Variants in SRGAP2C observed in about 807,000 individuals in gnomAD.
SRGAP2C encodes SLIT-ROBO Rho GTPase-activating protein 2C.
In SRGAP2C, 15 loss-of-function variants were observed where a neutral mutation model predicts 25.1. The ratio of observed to expected loss-of-function variants is 0.60; its 90% CI spans 0.40 to 0.92. SRGAP2C has a LOEUF of 0.92. Ranked by LOEUF, SRGAP2C falls within the 40% of genes least tolerant of loss-of-function variation. SRGAP2C has a pLI of 0.00. For synonymous variants in SRGAP2C, 44 were observed against 96.6 expected (o/e 0.46, Z 3.19); for missense variants, 144 against 264.4 (o/e 0.54, Z 3.16).
Position 121,354,314 on chromosome 1 carries a change from C to CTT in SRGAP2C, c.424-10977_424-10976dup, listed in dbSNP as rs1186248464. ...TCTTTCTTTCTTTCTTTCTTTCTTTCTTTCTTTCTTTCTTTTCTTTCTCTC... is the reference window on the plus strand; with the variant it reads ...TCTTTCTTTCTTTCTTTCTTTCTTTCTTTTTCTTTCTTTCTTTTCTTTCTCTC... On this transcript the variant is annotated intron_variant, in intron 4 of 9. Transcript: ENST00000367123. Among the ~76,000 whole-genome samples the CTT allele has an allele frequency of 1.4e-4, 7 of 50,710 alleles. 3 individuals carry two copies. The Admixed American group carries it at 1.6e-3, about 12-fold the overall frequency. 33.3% of individuals were successfully genotyped at this position (50,710 alleles called of 152,430 possible).
At chr1:121,356,606 C>T (rs1455874140) in intron 4 of SRGAP2C, among the ~76,000 whole-genome samples, 1 of 151,558 alleles carries the variant, frequency 6.6e-6, no homozygotes, top group Admixed American at 6.6e-5. Flanking sequence ...CCCACAGTCA[C>T]CTAGATACCA....
At chr1:121,284,112 T>G (rs1457930758) in intron 2 of SRGAP2C, among the ~76,000 whole-genome samples, 1 of 152,008 alleles carries the variant, frequency 6.6e-6, no homozygotes, top group Non-Finnish European at 1.5e-5. Flanking sequence ...ATTTTCATTC[T>G]GTGATATTGG....
rs1162454233 is a variant in SRGAP2C, at chr1:121,290,293, TTAGA to T, written c.260+5301_260+5304del. ...AATGGGCATTTAACAAATCACACAATTAGATATGTAATTTAAAGTTGGGGTAAGT... is the reference window on the plus strand; with the variant it reads ...AATGGGCATTTAACAAATCACACAATTATGTAATTTAAAGTTGGGGTAAGT... On this transcript the variant is annotated intron_variant, in intron 3 of 9. Transcript: ENST00000367123. Among the ~76,000 whole-genome samples, 310 of 151,538 alleles carry T rather than the reference TTAGA, an allele frequency of 2.0e-3. 1 individual carries two copies. Among genetic ancestry groups the T allele is most frequent in the Non-Finnish European group, 3.7e-3 (250 of 67,822 alleles).
intron 2 of SRGAP2C, among the ~76,000 whole-genome samples, chr1:121,222,115 A>T (rs1244688278): frequency 6.6e-6 from 1 of 151,950 alleles, no homozygotes. Context: ...CAACTATCCC[A>T]TACCACCTTA....
intron 2 of SRGAP2C, among the ~76,000 whole-genome samples, chr1:121,258,461 CA>C (rs1198339106): frequency 7.2e-6 from 1 of 139,086 alleles, no homozygotes; most frequent in African/African-American, 3.0e-5. Flanking sequence ...GGTCATCTAT[CA>C]CTCTTTTTTT....
rs1161844411 is a variant in SRGAP2C, at chr1:121,392,192, G to A, written c.*4337G>A. On this transcript the variant is annotated 3_prime_UTR_variant, in exon 10 of 10. Transcript: ENST00000367123. ...AATGAGCAGAGACTAATGAATTTGT[G>A]GGACATCATCAAATAGACCAACATT... The A allele has an allele frequency of 2.0e-5, 3 of 152,136 alleles. No homozygotes were observed. Among genetic ancestry groups the A allele is most frequent in the African/African-American group, 7.2e-5 (3 of 41,444 alleles). 9.4% of individuals were successfully genotyped at this position (152,136 alleles called of 1,614,324 possible).
chr1:121,221,289 AC>A (rs1553325543), intron 2 of SRGAP2C, among the ~76,000 whole-genome samples: 1 of 86,050 alleles, frequency 1.2e-5, no homozygotes, highest in Non-Finnish European at 2.2e-5. Context: ...TGCAACAGTT[AC>A]AATTTTTGAC....
At chr1:121,222,105 C>A (rs1655541365) in intron 2 of SRGAP2C, among the ~76,000 whole-genome samples, 1 of 151,852 alleles carries the variant, frequency 6.6e-6, no homozygotes, top group Admixed American at 6.6e-5. Flanking sequence ...ACAAACATAG[C>A]AACTATCCCA....
intron 2 of SRGAP2C, among the ~76,000 whole-genome samples, chr1:121,212,277 C>T (rs1319796647): frequency 5.6e-5 from 8 of 142,126 alleles, no homozygotes; most frequent in African/African-American, 1.3e-4. Context: ...ACTACAGGCG[C>T]CCGCCACCAC....
intron 2 of SRGAP2C, among the ~76,000 whole-genome samples, chr1:121,259,879 G>T (rs1466735250): frequency 1.7e-5 from 2 of 119,926 alleles, no homozygotes; most frequent in African/African-American, 3.3e-5. Flanking sequence ...AAGAGACAAG[G>T]TCTCTCTCTC....
chr1:121,223,047 G>T (rs1407901874), intron 2 of SRGAP2C, among the ~76,000 whole-genome samples: 1 of 152,054 alleles, frequency 6.6e-6, no homozygotes, highest in African/African-American at 2.4e-5. Context: ...AATTCATTAA[G>T]ATAAAGACTT....
chr1:121,190,237 G>C (rs1341094666), intron 2 of SRGAP2C, among the ~76,000 whole-genome samples: 3 of 149,878 alleles, frequency 2.0e-5, no homozygotes, highest in African/African-American at 7.3e-5. Flanking sequence ...GGTGCTGCCA[G>C]ACTTACTTCT....
At chr1:121,262,173 TAGA>T (rs1275923306) in intron 2 of SRGAP2C, among the ~76,000 whole-genome samples, 4 of 93,578 alleles carry the variant, frequency 4.3e-5, no homozygotes, top group Non-Finnish European at 8.4e-5. Flanking sequence ...CTGATGAGGA[TAGA>T]AGATGAGTGG....
intron 5 of SRGAP2C, among the ~76,000 whole-genome samples, chr1:121,366,830 A>G (rs1471857341): frequency 6.6e-6 from 1 of 150,984 alleles, no homozygotes; most frequent in Non-Finnish European, 1.5e-5. Context: ...TGGATAACCA[A>G]CAAACCTTGC....
intron 2 of SRGAP2C, among the ~76,000 whole-genome samples, chr1:121,225,748 C>T (rs1317296988): frequency 3.4e-5 from 5 of 149,098 alleles, no homozygotes; most frequent in Non-Finnish European, 4.4e-5. Flanking sequence ...AGTCATGCTC[C>T]GTCACCCAGG....
chr1:121,202,130 C>A (rs1420585631), intron 2 of SRGAP2C, among the ~76,000 whole-genome samples: 1 of 152,126 alleles, frequency 6.6e-6, no homozygotes, highest in Non-Finnish European at 1.5e-5. Flanking sequence ...TGGTCAGTTC[C>A]TTCATTTGCA....
At chr1:121,303,539 G>A (rs1553339110) in intron 3 of SRGAP2C, among the ~76,000 whole-genome samples, 97,338 of 149,052 alleles carry the variant, frequency 0.65, 31,915 homozygotes, top group East Asian at 0.8. Context: ...AGAGAGCCTC[G>A]GTTGCTTTTA....
rs1330588325 is a variant in SRGAP2C, at chr1:121,216,486, G to A, written c.67+28973G>A. On this transcript the variant is annotated intron_variant, in intron 2 of 9. Transcript: ENST00000367123. The stretch of plus-strand genomic sequence containing the variant: ...CAAAAAAAGACAATGTATTTTAAAG[G>A]AAAACTTTTTGGAGCTATTTCATGG... 3.3e-5 allele frequency among the ~76,000 whole-genome samples: 5 copies of A among 151,124 alleles called. No individual in the cohort carries two copies. In the East Asian group the frequency reaches 9.7e-4, roughly 29 times the overall value.
In SRGAP2C at chr1:121,389,165, A is replaced by G. The variant is rs1553357084; in HGVS notation, c.*1310A>G. ...TTCTTTAAGCATATTTATGAGTAAA[A>G]TATTAAAACCTATACAAAAAAATAA... On this transcript the variant is annotated 3_prime_UTR_variant, in exon 10 of 10. Transcript: ENST00000367123. 6.6e-6 allele frequency: 1 copy of G among 152,182 alleles called. No individual in the cohort carries two copies. Among genetic ancestry groups the G allele is most frequent in the African/African-American group, 2.4e-5 (1 of 41,454 alleles). The allele number at this position is 152,182 out of a possible 1,614,324, so 9.4% of individuals were successfully genotyped here. A position where few individuals can be genotyped will look rare whatever the true frequency, so the allele number is the denominator to read the frequency against.
Sources: allele counts gnomAD v4.1 joint callset (sites outside exome capture counted in the v4.1 genomes callset), GRCh38; gene constraint gnomAD v4.1.1; transcripts MANE v1.5; gene names NCBI Gene and HGNC (gene_info 2026-07-23, HGNC 2026-07-21).